The following ANKRD30B variants were observed in gnomAD, a reference collection of about 807,000 sequenced individuals.
ANKRD30B encodes ankyrin repeat domain-containing protein 30B.
In ANKRD30B, 144 loss-of-function variants were observed where a neutral mutation model predicts 202.2. The ratio of observed to expected loss-of-function variants is 0.71; its 90% CI spans 0.62 to 0.82. The LOEUF (loss-of-function observed/expected upper bound fraction) is 0.82. Among genes scored for constraint, ANKRD30B ranks in the 40% least tolerant of loss-of-function variants. The pLI is 0.00. For synonymous variants in ANKRD30B, 508 were observed against 561.3 expected, an observed-to-expected ratio of 0.91 and a Z score of 1.34; for missense variants, 1,487 against 1,669.1, an observed-to-expected ratio of 0.89 and a Z score of 1.90.
chr18:14,770,541 G>A (rs1430883607), intron 8 of ANKRD30B, among the ~76,000 whole-genome samples: 1 of 152,120 alleles, frequency 6.6e-6, no homozygotes, highest in East Asian at 1.9e-4. Context: ...GAACCCAGTG[G>A]AAGTAGATAA....
chr18:14,898,104 T>C, the ANKRD30B span, among the ~76,000 whole-genome samples: 1 of 152,230 alleles, frequency 6.6e-6, no homozygotes, highest in Non-Finnish European at 1.5e-5. Flanking sequence ...ATAGATCTTT[T>C]GTGATAATTT....
the ANKRD30B span, among the ~76,000 whole-genome samples, chr18:14,895,757 AG>A: frequency 2.0e-5 from 3 of 152,252 alleles, no homozygotes; most frequent in Non-Finnish European, 4.4e-5. Flanking sequence ...GCTAAGTGAA[AG>A]AAACCAGTCT....
chr18:14,936,972 G>A, the ANKRD30B span, among the ~76,000 whole-genome samples: 1 of 152,168 alleles, frequency 6.6e-6, no homozygotes, highest in Non-Finnish European at 1.5e-5. Context: ...GCTCCAGGCT[G>A]GGAGAAGAGA....
the ANKRD30B span, among the ~76,000 whole-genome samples, chr18:14,937,338 T>C: frequency 1.3e-5 from 2 of 152,212 alleles, no homozygotes; most frequent in African/African-American, 2.4e-5. Context: ...CTCAACAAAC[T>C]GTGGCAGGAG....
intron 24 of ANKRD30B, among the ~76,000 whole-genome samples, chr18:14,805,726 A>G (rs898169153): frequency 6.6e-6 from 1 of 150,876 alleles, no homozygotes; most frequent in South Asian, 2.1e-4. Context: ...GTAGCATTCT[A>G]CGTTCAGCTT....
the ANKRD30B span, among the ~76,000 whole-genome samples, chr18:14,919,913 G>T: frequency 1.3e-5 from 2 of 152,234 alleles, no homozygotes; most frequent in African/African-American, 4.8e-5. Flanking sequence ...GCAGGTCAAA[G>T]TCCAGGCTTC....
At chr18:14,858,125 G>A (rs112643130), downstream of ANKRD30B, among the ~76,000 whole-genome samples, 2 of 101,878 alleles carry the variant, frequency 2.0e-5, no homozygotes, top group Non-Finnish European at 4.0e-5. Flanking sequence ...TGGGCGGCTG[G>A]GGAGAGGTGC....
intron 22 of ANKRD30B, among the ~76,000 whole-genome samples, chr18:14,799,686 A>G (rs1393520140): frequency 2.6e-5 from 4 of 152,148 alleles, no homozygotes; most frequent in South Asian, 4.2e-4. Context: ...AGTTGTGAGC[A>G]TTGTCACTCT....
chr18:14,770,667 G>A (rs543427971), intron 8 of ANKRD30B, among the ~76,000 whole-genome samples: 239 of 152,254 alleles, frequency 1.6e-3, no homozygotes, highest in African/African-American at 5.5e-3. Context: ...TTTGATTAAA[G>A]ATAAATTAGA....
intron 9 of ANKRD30B, among the ~76,000 whole-genome samples, chr18:14,773,094 A>G (rs967144776): frequency 7.2e-5 from 11 of 152,210 alleles, no homozygotes; most frequent in Admixed American, 2.0e-4. Flanking sequence ...TGCAGATTTT[A>G]CCCCAAGTAA....
chr18:14,929,709 G>A, the ANKRD30B span, among the ~76,000 whole-genome samples: 6 of 152,066 alleles, frequency 3.9e-5, no homozygotes, highest in Admixed American at 2.0e-4. Flanking sequence ...TGACTATGAC[G>A]GGCAAAGTTA....
the ANKRD30B span, among the ~76,000 whole-genome samples, chr18:14,895,392 C>T: frequency 2.6e-5 from 4 of 152,188 alleles, no homozygotes; most frequent in Non-Finnish European, 5.9e-5. Context: ...TGTACGCTGG[C>T]AAGGATGCAA....
In ANKRD30B at chr18:14,797,684, C is replaced by A. The variant is rs1969008821; in HGVS notation, c.1951C>A (p.Leu651Met). The change falls in exon 19 of 44, where the codon CTG becomes ATG. Residue 651 changes from leucine to methionine, a missense_variant. Physicochemically the swap from Leu to Met is conservative, Grantham distance 15. Transcript: ENST00000690538. ...AGAGTCTCCTGATAAAGATGGTCTT[C>A]TGAAGGTAATAGCTTTTATGTCTCT... The part of the protein sequence containing the change: ...KAESPDKDGL[L>M]KPTCGRKVSL... 4 of 1,609,016 alleles carry A rather than the reference C, an allele frequency of 2.5e-6. No individual in the cohort carries two copies. Among genetic ancestry groups the A allele is most frequent in the Non-Finnish European group, 3.4e-6 (4 of 1,175,694 alleles).
chr18:14,825,393 A>C (rs1970616523), intron 32 of ANKRD30B: 1 of 152,216 alleles, frequency 6.6e-6, no homozygotes. Flanking sequence ...AGATTAAATG[A>C]CAAAACTGTT....
chr18:14,748,679 A>C (rs1242192660), intron 1 of ANKRD30B, 39 bp downstream of exon 1: 33 of 1,494,284 alleles, frequency 2.2e-5, no homozygotes, highest in Non-Finnish European at 2.8e-5. Context: ...CAGGAGGAGG[A>C]GGCGGCTGTG....
chr18:14,908,997 G>A, the ANKRD30B span, among the ~76,000 whole-genome samples: 1 of 152,214 alleles, frequency 6.6e-6, no homozygotes, highest in Non-Finnish European at 1.5e-5. Context: ...TCTCTGGAAG[G>A]AGACAGGGAA....
intron 30 of ANKRD30B, among the ~76,000 whole-genome samples, chr18:14,819,838 C>G (rs1031072843): frequency 6.6e-6 from 1 of 152,010 alleles, no homozygotes; most frequent in Non-Finnish European, 1.5e-5. Flanking sequence ...ATTGACTTGG[C>G]GACACGGGCT....
the ANKRD30B span, chr18:14,883,437 C>A: frequency 4.2e-5 from 5 of 119,496 alleles, no homozygotes; most frequent in Non-Finnish European, 8.8e-5. Context: ...CTATATATAT[C>A]TCCTGTTCTG....
chr18:14,835,513 T>C (rs1379656093), intron 34 of ANKRD30B, among the ~76,000 whole-genome samples: 1 of 151,696 alleles, frequency 6.6e-6, no homozygotes, highest in African/African-American at 2.4e-5. Flanking sequence ...TATATTTGTT[T>C]ATTTCTAAAA....
Sources: allele counts gnomAD v4.1 joint callset (sites outside exome capture counted in the v4.1 genomes callset), GRCh38; gene constraint gnomAD v4.1.1; transcripts MANE v1.5; gene names NCBI Gene and HGNC (gene_info 2026-07-23, HGNC 2026-07-21).